TACC1: variants seen among roughly 807,000 people sequenced by gnomAD.
TACC1 encodes the protein transforming acidic coiled-coil-containing protein 1.
TACC1 carries 48 observed loss-of-function variants against 84.4 expected under a neutral mutation model. That is an observed-to-expected ratio of 0.57 (90% CI 0.45 to 0.72). The LOEUF is 0.72. Among genes scored for constraint, TACC1 ranks in the 30% least tolerant of loss-of-function variants. TACC1 has a pLI of 0.00. For synonymous variants in TACC1, 372 were observed against 376.3 expected (o/e 0.99, Z 0.13); for missense variants, 920 against 973.0 (o/e 0.95, Z 0.72).
At chr8:38,846,919 C>T in intron 12 of TACC1, 100 bp downstream of exon 12, 3 of 1,414,438 alleles carry the variant, frequency 2.1e-6, no homozygotes, top group Non-Finnish European at 2.9e-6. Context: ...GAGGCCTTGG[C>T]TTTCTACTCA....
intron 3 of TACC1, among the ~76,000 whole-genome samples, chr8:38,762,696 A>G (rs759698164): frequency 9.2e-5 from 14 of 152,170 alleles, no homozygotes; most frequent in Non-Finnish European, 1.5e-4. Context: ...AGCTGAGATT[A>G]CAGGCATGCG....
chr8:38,790,598 G>T (rs564563271), intron 2 of TACC1, among the ~76,000 whole-genome samples: 1 of 152,328 alleles, frequency 6.6e-6, no homozygotes, highest in Non-Finnish European at 1.5e-5. Flanking sequence ...ACTTTGTGCT[G>T]ATTGTGACTT....
chr8:38,818,577 T>C (rs1465592606), intron 2 of TACC1, among the ~76,000 whole-genome samples: 1 of 152,250 alleles, frequency 6.6e-6, no homozygotes, highest in East Asian at 1.9e-4. Flanking sequence ...AAAATAACTT[T>C]ATTGTTTTAC....
chr8:38,741,027 C>A (rs1806967140), intron 1 of TACC1, among the ~76,000 whole-genome samples: 1 of 152,120 alleles, frequency 6.6e-6, no homozygotes, highest in Non-Finnish European at 1.5e-5. Context: ...CCAAAAGAAC[C>A]TTTTATTTTA....
chr8:38,825,754 T>C (rs1162314903), intron 4 of TACC1, among the ~76,000 whole-genome samples: 1 of 152,224 alleles, frequency 6.6e-6, no homozygotes, highest in Non-Finnish European at 1.5e-5. Context: ...CTTTCAACAA[T>C]AGAGGAAAAC....
intron 3 of TACC1, among the ~76,000 whole-genome samples, chr8:38,773,840 A>G (rs145109211): frequency 6.6e-6 from 1 of 152,224 alleles, no homozygotes; most frequent in African/African-American, 2.4e-5. Flanking sequence ...TACTTTGAAA[A>G]AGAGGGAAAA....
At chr8:38,764,205 G>A (rs923318747) in intron 3 of TACC1, among the ~76,000 whole-genome samples, 5 of 152,072 alleles carry the variant, frequency 3.3e-5, no homozygotes, top group African/African-American at 4.8e-5. Flanking sequence ...AGCCTCCTGA[G>A]TAGCTGGGAT....
At chr8:38,828,010 A>G (rs1828483353) in intron 5 of TACC1, 1 of 153,144 alleles carries the variant, frequency 6.5e-6, no homozygotes, top group Non-Finnish European at 1.5e-5. Context: ...GCCACCTCCC[A>G]TTAGGCCTCA....
intron 3 of TACC1, among the ~76,000 whole-genome samples, chr8:38,752,701 C>T (rs1809270969): frequency 1.3e-5 from 2 of 152,126 alleles, no homozygotes; most frequent in Non-Finnish European, 2.9e-5. Context: ...TGCCTCCTTC[C>T]CTCTCTTTTC....
chr8:38,824,544 C>T (rs1827599984), intron 3 of TACC1: 1 of 152,232 alleles, frequency 6.6e-6, no homozygotes, highest in Non-Finnish European at 1.5e-5. Context: ...TGTATTTTTT[C>T]TCACAAAAGA....
At chr8:38,785,664 A>G, upstream of TACC1, 1 of 985,120 alleles carries the variant, frequency 1.0e-6, no homozygotes, top group Non-Finnish European at 1.2e-6. Context: ...CTGGGGTAAT[A>G]TTATTTCCCA....
At chr8:38,789,880 C>T (rs549460333) in intron 2 of TACC1, among the ~76,000 whole-genome samples, 1 of 152,284 alleles carries the variant, frequency 6.6e-6, no homozygotes, top group African/African-American at 2.4e-5. Context: ...GAGCTGAAGT[C>T]AGCGTGGTCA....
chr8:38,777,489 A>G (rs938097475), intron 3 of TACC1, among the ~76,000 whole-genome samples: 3 of 152,166 alleles, frequency 2.0e-5, no homozygotes, highest in Admixed American at 6.5e-5. Context: ...TTTTAAAGAC[A>G]TTGGCCCAGG....
intron 1 of TACC1, among the ~76,000 whole-genome samples, chr8:38,731,944 T>G (rs1198132375): frequency 6.6e-6 from 1 of 152,044 alleles, no homozygotes; most frequent in African/African-American, 2.4e-5. Context: ...AAACTCCATC[T>G]CTACTAAAAA....
chr8:38,750,906 C>CT (rs1047663605), intron 3 of TACC1, among the ~76,000 whole-genome samples: 2 of 151,340 alleles, frequency 1.3e-5, no homozygotes, highest in African/African-American at 2.4e-5. Context: ...AAAATCGTAA[C>CT]TTTTTTTTTG....
At chr8:38,837,156 T>C (rs1234378831) in intron 7 of TACC1, among the ~76,000 whole-genome samples, 3 of 147,288 alleles carry the variant, frequency 2.0e-5, no homozygotes, top group Non-Finnish European at 4.4e-5. Context: ...AGCTCATGCC[T>C]GTAATCCCAG....
In TACC1 at chr8:38,819,516, T is replaced by G; in HGVS notation, c.278-6T>G. ...TTTAATAGATGGTTTTTGTGTTTCA[T>G]TTTAGAATCACAAGAAGCTGATGAA... On this transcript the variant is annotated splice_polypyrimidine_tract_variant and splice_region_variant and intron_variant, in intron 2 of 12. Coordinates refer to ENST00000317827, the MANE Select transcript of TACC1 (RefSeq NM_006283.3). 1 of 1,595,420 alleles carries G rather than the reference T, an allele frequency of 6.3e-7. No individual in the cohort carries two copies. Among genetic ancestry groups the G allele is most frequent in the Non-Finnish European group, 8.6e-7 (1 of 1,169,170 alleles).
intron 11 of TACC1, among the ~76,000 whole-genome samples, chr8:38,845,952 T>G (rs1799113698): frequency 1.3e-5 from 2 of 152,204 alleles, no homozygotes. Flanking sequence ...TTAGCATCCT[T>G]TCATCAGTTT....
At chr8:38,759,168 C>T (rs1376703774) in intron 3 of TACC1, among the ~76,000 whole-genome samples, 1 of 152,184 alleles carries the variant, frequency 6.6e-6, no homozygotes, top group South Asian at 2.1e-4. Flanking sequence ...GGTGCTGCTC[C>T]TTAATGCTGG....
Sources: allele counts gnomAD v4.1 joint callset (sites outside exome capture counted in the v4.1 genomes callset), GRCh38; gene constraint gnomAD v4.1.1; transcripts MANE v1.5; gene names NCBI Gene and HGNC (gene_info 2026-07-23, HGNC 2026-07-21).